The following ZSWIM6 variants were observed in gnomAD, a reference collection of about 807,000 sequenced individuals.
ZSWIM6 encodes zinc finger SWIM-type containing 6.
Under a neutral mutation model 113.2 loss-of-function variants are expected in ZSWIM6, and 9 were observed. The observed-to-expected ratio is 0.08, with a 90% CI of 0.05 to 0.14. The LOEUF (loss-of-function observed/expected upper bound fraction) is 0.14. Among genes scored for constraint, ZSWIM6 ranks in the 10% least tolerant of loss-of-function variants. ZSWIM6 has a pLI of 1.00. For missense variants in ZSWIM6, 1,162 were observed against 1,552.2 expected, an observed-to-expected ratio of 0.75 and a Z score of 4.22; for synonymous variants, 611 against 606.5, an observed-to-expected ratio of 1.01 and a Z score of -0.11.
intron 1 of ZSWIM6, among the ~76,000 whole-genome samples, chr5:61,448,650 A>G (rs1747017346): frequency 6.6e-6 from 1 of 152,172 alleles, no homozygotes; most frequent in Non-Finnish European, 1.5e-5. Context: ...AGGATTTGCA[A>G]CCTGAGAGAG....
chr5:61,491,373 C>G (rs527637823), intron 3 of ZSWIM6, among the ~76,000 whole-genome samples: 2 of 152,018 alleles, frequency 1.3e-5, no homozygotes, highest in Admixed American at 6.6e-5. Context: ...GTTTTAGAGT[C>G]ATATAGATCT....
intron 1 of ZSWIM6, among the ~76,000 whole-genome samples, chr5:61,353,794 CG>C (rs1328669855): frequency 3.8e-3 from 5 of 1,326 alleles, no homozygotes; most frequent in Admixed American, 9.9e-3. Flanking sequence ...ACCATTTTCT[CG>C]ATTTTTAGTG....
At position 61,543,643 on chromosome 5, in the gene ZSWIM6, C is replaced by T. The variant is rs758297289; in HGVS notation, c.2974C>T (p.Pro992Ser). Residue 992 changes from proline (P) to serine (S), a missense_variant, in exon 14 of 14, where the codon CCA becomes TCA. Pro to Ser is a moderately conservative substitution (Grantham distance 74, BLOSUM62 -1). Coordinates refer to ENST00000252744, the MANE Select transcript of ZSWIM6 (RefSeq NM_020928.2). This position sits in a 1 kb window ranked among gnomAD's most constrained non-coding sequence, Gnocchi z 4.3. ...TLALQCAMKD[P>S]QNCALSALTL... ...TGCACTGCAGTGTGCCATGAAGGAT[C>T]CACAGAACTGTGCCCTCTCTGCGCT... 2 of 1,551,758 alleles carry T rather than the reference C, an allele frequency of 1.3e-6. No homozygotes were observed. The highest frequency in any genetic ancestry group is 1.2e-5 in the South Asian group (1 of 84,060).
At chr5:61,434,462 A>T (rs1052808557) in intron 1 of ZSWIM6, among the ~76,000 whole-genome samples, 2 of 142,864 alleles carry the variant, frequency 1.4e-5, no homozygotes, top group African/African-American at 5.3e-5. Context: ...CCTTTCCCCC[A>T]CGAGTCCTCA....
chr5:61,342,417 A>G (rs1196510548), intron 1 of ZSWIM6, among the ~76,000 whole-genome samples: 4 of 152,216 alleles, frequency 2.6e-5, no homozygotes, highest in Non-Finnish European at 2.9e-5. Flanking sequence ...CTTAACAGCC[A>G]TATGAGTTAG....
intron 2 of ZSWIM6, among the ~76,000 whole-genome samples, chr5:61,487,661 G>A (rs530510848): frequency 1.3e-5 from 2 of 151,884 alleles, no homozygotes; most frequent in East Asian, 3.9e-4. Context: ...CTTACCGTAA[G>A]TAGGATTTGG....
At chr5:61,538,146 C>T (rs1246282479) in intron 10 of ZSWIM6, among the ~76,000 whole-genome samples, 2 of 152,156 alleles carry the variant, frequency 1.3e-5, no homozygotes, top group African/African-American at 2.4e-5. Context: ...AATAAAAAAT[C>T]AGAAATCACT....
At chr5:61,487,093 T>G (rs1229524181) in intron 2 of ZSWIM6, among the ~76,000 whole-genome samples, 1 of 151,938 alleles carries the variant, frequency 6.6e-6, no homozygotes, top group Non-Finnish European at 1.5e-5. Context: ...GGAGTCCAGT[T>G]TTGGTCTTCT....
chr5:61,391,898 CA>C (rs528296293), intron 1 of ZSWIM6: 1 of 590,894 alleles, frequency 1.7e-6, no homozygotes, highest in Non-Finnish European at 3.0e-6. Context: ...GCCGGTAGAG[CA>C]AAAAATGGTA....
chr5:61,389,298 GTAAT>G (rs1745652004), intron 1 of ZSWIM6, among the ~76,000 whole-genome samples: 1 of 151,624 alleles, frequency 6.6e-6, no homozygotes, highest in Admixed American at 6.6e-5. Flanking sequence ...GCTCATGCCT[GTAAT>G]CCTAGCACTT....
chr5:61,450,587 G>C (rs2112157117), intron 1 of ZSWIM6, among the ~76,000 whole-genome samples: 1 of 152,168 alleles, frequency 6.6e-6, no homozygotes, highest in African/African-American at 2.4e-5. Flanking sequence ...GCCACTGGTG[G>C]GGATTTTTTT....
At chr5:61,354,666 A>G (rs1273954177) in intron 1 of ZSWIM6, among the ~76,000 whole-genome samples, 1 of 152,216 alleles carries the variant, frequency 6.6e-6, no homozygotes, top group Non-Finnish European at 1.5e-5. Context: ...GTTTGGTATT[A>G]GAGGCTCCAT....
intron 1 of ZSWIM6, among the ~76,000 whole-genome samples, chr5:61,408,011 T>C (rs1340889152): frequency 1.3e-5 from 2 of 152,178 alleles, no homozygotes; most frequent in Non-Finnish European, 2.9e-5. Flanking sequence ...GAATTTATTC[T>C]TGAAAGACAG....
chr5:61,374,048 A>T (rs550988444), intron 1 of ZSWIM6, among the ~76,000 whole-genome samples: 105 of 152,284 alleles, frequency 6.9e-4, no homozygotes, highest in Non-Finnish European at 1.3e-3. Context: ...GCTTTCATCT[A>T]CTTGATAAAA....
intron 1 of ZSWIM6, among the ~76,000 whole-genome samples, chr5:61,343,039 G>A (rs1250031607): frequency 6.6e-6 from 1 of 152,164 alleles, no homozygotes; most frequent in Non-Finnish European, 1.5e-5. Flanking sequence ...ATGCAGCAAA[G>A]TTAGGTTTTC....
intron 2 of ZSWIM6, among the ~76,000 whole-genome samples, chr5:61,473,511 T>C (rs1747628328): frequency 6.6e-6 from 1 of 152,250 alleles, no homozygotes; most frequent in Admixed American, 6.5e-5. Flanking sequence ...GAATATTTTG[T>C]ATAAGAAAAT....
chr5:61,347,492 C>A, intron 1 of ZSWIM6: 2 of 159,218 alleles, frequency 1.3e-5, no homozygotes, highest in Middle Eastern at 2.8e-3. Flanking sequence ...AGCAAGTCAC[C>A]ATTGTTGTGA....
At chr5:61,461,847 C>T in intron 1 of ZSWIM6, among the ~76,000 whole-genome samples, 1 of 152,080 alleles carries the variant, frequency 6.6e-6, no homozygotes. Context: ...TACAGTGCTC[C>T]AAGATATGGG....
chr5:61,454,360 A>G (rs945238374), intron 1 of ZSWIM6, among the ~76,000 whole-genome samples: 28 of 151,856 alleles, frequency 1.8e-4, no homozygotes, highest in African/African-American at 6.5e-4. Context: ...GGCTCAAGCT[A>G]TCCTCCTGCT....
Sources: gnomAD v4.1 joint callset for allele counts (sites outside exome capture counted in the v4.1 genomes callset) on GRCh38, gnomAD v4.1.1 for gene constraint, Gnocchi (gnomAD v3.1) non-coding constraint, MANE v1.5 for transcripts, NCBI Gene and HGNC (gene_info 2026-07-23, HGNC 2026-07-21) for gene names.